Variants in ZNF385D observed in about 807,000 individuals in gnomAD.
ZNF385D encodes the protein zinc finger protein 659.
Under a neutral mutation model 35.8 loss-of-function variants are expected in ZNF385D, and 15 were observed. That is an observed-to-expected ratio of 0.42 (90% CI 0.28 to 0.64). The LOEUF is 0.64. ZNF385D is among the 30% of genes least tolerant of loss of function. The pLI, the probability that ZNF385D is intolerant of heterozygous loss-of-function variation, is 0.23. For missense variants in ZNF385D, 474 were observed against 494.6 expected, an observed-to-expected ratio of 0.96 and a Z score of 0.39; for synonymous variants, 212 against 186.8, an observed-to-expected ratio of 1.13 and a Z score of -1.10.
chr3:22,026,596 G>A (rs145377026), intron 3 of ZNF385D, among the ~76,000 whole-genome samples: 16 of 152,202 alleles, frequency 1.1e-4, no homozygotes, highest in African/African-American at 3.9e-4. Flanking sequence ...CTCATCCTGT[G>A]GTCATTTCCC....
chr3:21,980,641 T>C (rs1576072533), intron 3 of ZNF385D, among the ~76,000 whole-genome samples: 2 of 152,138 alleles, frequency 1.3e-5, no homozygotes, highest in South Asian at 2.1e-4. Flanking sequence ...CAGGGGTTTG[T>C]TGTACACACT....
At chr3:21,585,888 G>C (rs1306519758) in intron 2 of ZNF385D, among the ~76,000 whole-genome samples, 1 of 152,144 alleles carries the variant, frequency 6.6e-6, no homozygotes, top group Non-Finnish European at 1.5e-5. Flanking sequence ...AGGTATCCTG[G>C]CCTGGCGCAG....
intron 4 of ZNF385D, among the ~76,000 whole-genome samples, chr3:21,477,895 A>C (rs921216834): frequency 2.6e-5 from 4 of 152,162 alleles, no homozygotes; most frequent in African/African-American, 9.7e-5. Flanking sequence ...TATCACCTAC[A>C]TTTCTAATAA....
At chr3:22,217,635 G>A (rs1247578156) in intron 2 of ZNF385D, among the ~76,000 whole-genome samples, 1 of 152,130 alleles carries the variant, frequency 6.6e-6, no homozygotes, top group East Asian at 1.9e-4. Flanking sequence ...TGTGTTAAAA[G>A]ATTTGTAAAA....
chr3:22,035,906 T>C (rs568893504), intron 3 of ZNF385D, among the ~76,000 whole-genome samples: 1 of 151,880 alleles, frequency 6.6e-6, no homozygotes, highest in Non-Finnish European at 1.5e-5. Flanking sequence ...GATAAATGAT[T>C]AGGGACACAG....
At chr3:21,901,112 A>G (rs1461787309) in intron 3 of ZNF385D, among the ~76,000 whole-genome samples, 1 of 152,238 alleles carries the variant, frequency 6.6e-6, no homozygotes, top group Admixed American at 6.5e-5. Flanking sequence ...AATTGGCTGC[A>G]TTATTTTATT....
chr3:21,522,270 T>C (rs1046703961), intron 3 of ZNF385D, among the ~76,000 whole-genome samples: 1 of 152,154 alleles, frequency 6.6e-6, no homozygotes, highest in Non-Finnish European at 1.5e-5. Context: ...TCATCCAACT[T>C]CTTAAATAAT....
intron 3 of ZNF385D, chr3:21,542,700 G>A: frequency 6.6e-6 from 1 of 152,308 alleles, no homozygotes; most frequent in Non-Finnish European, 1.5e-5. Flanking sequence ...CTGAGGTGTA[G>A]CCTCAGGAAG....
intron 2 of ZNF385D, among the ~76,000 whole-genome samples, chr3:21,658,859 C>T (rs1253869806): frequency 1.3e-5 from 2 of 152,042 alleles, no homozygotes; most frequent in Admixed American, 6.6e-5. Flanking sequence ...AACTACTCCA[C>T]CCCATTTTCA....
chr3:21,757,483 A>G (rs2070398018), intron 3 of ZNF385D, among the ~76,000 whole-genome samples: 1 of 152,156 alleles, frequency 6.6e-6, no homozygotes, highest in Admixed American at 6.5e-5. Flanking sequence ...TTTGATAGAC[A>G]GCTAATAGGA....
intron 4 of ZNF385D, among the ~76,000 whole-genome samples, chr3:21,491,213 G>T (rs1705402041): frequency 1.7e-5 from 1 of 57,648 alleles, no homozygotes; most frequent in Non-Finnish European, 3.5e-5. Flanking sequence ...TCAGATAAAG[G>T]GGTTTTTTTT....
At chr3:22,153,424 C>T (rs1371210039) in intron 3 of ZNF385D, among the ~76,000 whole-genome samples, 1 of 151,846 alleles carries the variant, frequency 6.6e-6, no homozygotes, top group Non-Finnish European at 1.5e-5. Context: ...CACAATGACC[C>T]CGTGCCTGTT....
chr3:21,763,297 C>T (rs1412073102), intron 3 of ZNF385D, among the ~76,000 whole-genome samples: 1 of 152,164 alleles, frequency 6.6e-6, no homozygotes, highest in Non-Finnish European at 1.5e-5. Flanking sequence ...GATATTCAAT[C>T]ATGATGTTCT....
chr3:21,882,139 C>A (rs1698310768), intron 3 of ZNF385D, among the ~76,000 whole-genome samples: 1 of 152,002 alleles, frequency 6.6e-6, no homozygotes, highest in African/African-American at 2.4e-5. Flanking sequence ...TTTCAGAGGA[C>A]TGACTGCAAT....
intron 3 of ZNF385D, among the ~76,000 whole-genome samples, chr3:21,939,389 G>C (rs780245531): frequency 6.6e-6 from 1 of 152,040 alleles, no homozygotes; most frequent in African/African-American, 2.4e-5. Flanking sequence ...GGTGAAAATG[G>C]AATCAAAACA....
chr3:22,137,465 T>C (rs1019112421), intron 3 of ZNF385D, among the ~76,000 whole-genome samples: 10 of 152,154 alleles, frequency 6.6e-5, no homozygotes, highest in Non-Finnish European at 1.5e-4. Context: ...TCAAAAAGCT[T>C]ATCCACCATG....
intron 2 of ZNF385D, among the ~76,000 whole-genome samples, chr3:22,228,343 G>T (rs1249859231): frequency 1.3e-5 from 2 of 152,114 alleles, no homozygotes; most frequent in Non-Finnish European, 2.9e-5. Flanking sequence ...CCTATCAGCA[G>T]GTTGGCAGGT....
At chr3:22,298,577 A>G (rs966981689) in intron 2 of ZNF385D, among the ~76,000 whole-genome samples, 2 of 146,186 alleles carry the variant, frequency 1.4e-5, no homozygotes, top group African/African-American at 5.0e-5. Context: ...ACACACACAT[A>G]TATGTATGTG....
chr3:22,107,954 G>A (rs950600595), intron 3 of ZNF385D, among the ~76,000 whole-genome samples: 11 of 151,760 alleles, frequency 7.2e-5, no homozygotes, highest in African/African-American at 2.7e-4. Flanking sequence ...AGTGATTAAG[G>A]CCCTAATAAA....
Sources: allele counts gnomAD v4.1 joint callset (sites outside exome capture counted in the v4.1 genomes callset), GRCh38; gene constraint gnomAD v4.1.1; transcripts MANE v1.5; gene names NCBI Gene and HGNC (gene_info 2026-07-23, HGNC 2026-07-21).